MLANA: variants seen among roughly 807,000 people sequenced by gnomAD.
MLANA encodes the protein melanoma antigen recognized by T-cells 1.
In MLANA, 21 loss-of-function variants were observed where a neutral mutation model predicts 15.7. That is an observed-to-expected ratio of 1.33 (90% CI 0.95 to 1.92). The LOEUF is 1.92. Ranked by LOEUF, MLANA falls within the 40% of genes most tolerant of loss-of-function variation. The pLI, the probability that MLANA is intolerant of heterozygous loss-of-function variation, is 0.00. For synonymous variants in MLANA, 56 were observed against 51.5 expected (o/e 1.09, Z -0.37); for missense variants, 164 against 143.8 (o/e 1.14, Z -0.72).
intron 3 of MLANA, among the ~76,000 whole-genome samples, chr9:5,905,339 T>C (rs901979904): frequency 3.9e-5 from 6 of 152,114 alleles, no homozygotes; most frequent in Non-Finnish European, 8.8e-5. Context: ...AGGTGAGAGA[T>C]GCCTCATTAT....
At chr9:5,895,378 ATCT>A (rs1259126211) in intron 2 of MLANA, among the ~76,000 whole-genome samples, 2 of 150,484 alleles carry the variant, frequency 1.3e-5, no homozygotes, top group Non-Finnish European at 3.0e-5. Flanking sequence ...GAATGGGGCC[ATCT>A]TCTTTTTTTT....
At chr9:5,896,710 A>G (rs185269327) in intron 2 of MLANA, among the ~76,000 whole-genome samples, 82 of 152,308 alleles carry the variant, frequency 5.4e-4, no homozygotes, top group Non-Finnish European at 1.6e-4. Flanking sequence ...CCCGGAGTGA[A>G]CAGCTCCAGG....
chr9:5,897,887 A>G (rs1216277313), intron 3 of MLANA, among the ~76,000 whole-genome samples: 1 of 152,242 alleles, frequency 6.6e-6, no homozygotes, highest in Admixed American at 6.5e-5. Context: ...TTATAACATA[A>G]TACGAGAGAC....
At chr9:5,896,675 G>T (rs1832043995) in intron 2 of MLANA, among the ~76,000 whole-genome samples, 1 of 152,228 alleles carries the variant, frequency 6.6e-6, no homozygotes, top group Non-Finnish European at 1.5e-5. Context: ...TGATCAGGCA[G>T]ATGTTAGCTA....
At chr9:5,903,329 A>T (rs1832570942) in intron 3 of MLANA, among the ~76,000 whole-genome samples, 1 of 152,214 alleles carries the variant, frequency 6.6e-6, no homozygotes, top group Admixed American at 6.5e-5. Context: ...GATGTCTATT[A>T]TATCTAGTTA....
At chr9:5,896,845 C>G (rs1402008883) in intron 2 of MLANA, among the ~76,000 whole-genome samples, 1 of 152,194 alleles carries the variant, frequency 6.6e-6, no homozygotes, top group Non-Finnish European at 1.5e-5. Flanking sequence ...TAGACAAGAT[C>G]CTTCTCAATA....
intron 3 of MLANA, among the ~76,000 whole-genome samples, chr9:5,902,622 A>G (rs917072452): frequency 1.3e-5 from 2 of 151,586 alleles, no homozygotes; most frequent in Non-Finnish European, 2.9e-5. Context: ...GCTAGCTACC[A>G]TAGTAGCTAG....
At chr9:5,901,686 A>T (rs1007423090) in intron 3 of MLANA, among the ~76,000 whole-genome samples, 23 of 151,504 alleles carry the variant, frequency 1.5e-4, no homozygotes, top group Admixed American at 3.9e-4. Context: ...GCCTGGCTAA[A>T]TTTTTTTGTA....
At chr9:5,898,510 A>C (rs996712032) in intron 3 of MLANA, among the ~76,000 whole-genome samples, 1 of 152,122 alleles carries the variant, frequency 6.6e-6, no homozygotes, top group African/African-American at 2.4e-5. Flanking sequence ...CAATACACGA[A>C]TTTTGGGGGA....
At chr9:5,893,771 T>A (rs767738017) in intron 2 of MLANA, among the ~76,000 whole-genome samples, 3 of 152,180 alleles carry the variant, frequency 2.0e-5, no homozygotes, top group Non-Finnish European at 4.4e-5. Flanking sequence ...TCCCTTGGGA[T>A]GTCACTTTTG....
rs140690425 is a variant in MLANA at position 5,906,329 on chromosome 9, C to CA, written c.175-543dup. On this transcript the variant is annotated intron_variant, in intron 3 of 4. Transcript: ENST00000381477. ...TGGGCAACAGAGTGAGACTCTGTCTCAAAAAAAAAAAAAGAAAAGAAAAGA... is the reference window on the plus strand; with the variant it reads ...TGGGCAACAGAGTGAGACTCTGTCTCAAAAAAAAAAAAAAGAAAAGAAAAGA... Among the ~76,000 whole-genome samples, 227 of 132,592 alleles carry CA rather than the reference C, an allele frequency of 1.7e-3. 1 individual carries two copies. The highest frequency in any genetic ancestry group is 4.2e-3 in the African/African-American group (148 of 35,314). The allele number at this position is 132,592 out of a possible 152,430, so 87.0% of individuals were successfully genotyped here.
chr9:5,897,174 TTC>T (rs1265986698), intron 2 of MLANA, among the ~76,000 whole-genome samples: 2 of 152,234 alleles, frequency 1.3e-5, no homozygotes, highest in Non-Finnish European at 2.9e-5. Context: ...AATTTCTATT[TTC>T]TCTTTGTGGG....
At chr9:5,902,611 A>C (rs2129961080) in intron 3 of MLANA, among the ~76,000 whole-genome samples, 1 of 151,658 alleles carries the variant, frequency 6.6e-6, no homozygotes, top group South Asian at 2.1e-4. Flanking sequence ...CTAGGACTAC[A>C]GCTAGCTACC....
intron 3 of MLANA, 31 bp from the exon 4 acceptor site, chr9:5,906,854 A>C: frequency 7.3e-7 from 1 of 1,379,184 alleles, no homozygotes; most frequent in Non-Finnish European, 9.8e-7. Context: ...ACTTCTTCTC[A>C]CCCACTCACC....
chr9:5,902,440 C>G (rs1163068773), intron 3 of MLANA, among the ~76,000 whole-genome samples: 3 of 151,758 alleles, frequency 2.0e-5, no homozygotes, highest in Admixed American at 1.3e-4. Context: ...TTGATTTACT[C>G]TACTGACTTT....
intron 3 of MLANA, among the ~76,000 whole-genome samples, chr9:5,901,174 G>A (rs1832396420): frequency 6.6e-6 from 1 of 152,078 alleles, no homozygotes; most frequent in African/African-American, 2.4e-5. Flanking sequence ...GACAAGGGCA[G>A]TTTTATTTTT....
rs1057407777 is a variant in MLANA, at chr9:5,892,694, G to C, written c.77+143G>C. Reference sequence around the variant, plus strand: ...GTAACATCCCTGGCAACAAGGGGAGGAGATTCTGTGCTTCTATAAGGGGCT... The same window carrying C: ...GTAACATCCCTGGCAACAAGGGGAGCAGATTCTGTGCTTCTATAAGGGGCT... On this transcript the variant is annotated intron_variant, in intron 2 of 4. Transcript: ENST00000381477. 22 of 642,878 alleles carry C rather than the reference G, an allele frequency of 3.4e-5. No individual in the cohort carries two copies. The African/African-American group carries it at 4.1e-4, about 12-fold the overall frequency. 39.8% of individuals were successfully genotyped at this position (642,878 alleles called of 1,614,324 possible).
intron 3 of MLANA, chr9:5,898,058 A>ATTT (rs77598639): frequency 6.2e-5 from 10 of 160,456 alleles, no homozygotes; most frequent in African/African-American, 2.0e-4. Context: ...AGCTGAACTC[A>ATTT]TTTTTTTTTT....
chr9:5,903,572 T>G (rs987948022), intron 3 of MLANA, among the ~76,000 whole-genome samples: 4 of 152,216 alleles, frequency 2.6e-5, no homozygotes, highest in African/African-American at 9.6e-5. Context: ...GTGTTATTTC[T>G]GATAGAGAGA....
Sources: gnomAD v4.1 joint callset for allele counts (sites outside exome capture counted in the v4.1 genomes callset) on GRCh38, gnomAD v4.1.1 for gene constraint, MANE v1.5 for transcripts, NCBI Gene and HGNC (gene_info 2026-07-23, HGNC 2026-07-21) for gene names.